Variants in MUC3A observed in about 807,000 individuals in gnomAD.
MUC3A encodes the protein mucin 3A, cell surface associated.
A neutral mutation model predicts 109.0 loss-of-function variants in MUC3A; 109 were observed. The ratio of observed to expected loss-of-function variants is 1.00; its 90% confidence interval spans 0.86 to 1.17. The LOEUF is 1.17. Among genes scored for constraint, MUC3A ranks in the 50% most tolerant of loss-of-function variants. MUC3A has a pLI of 0.00. For missense variants in MUC3A, 3,537 were observed against 2,469.4 expected (o/e 1.43, Z -9.16); for synonymous variants, 1,398 against 981.4 (o/e 1.42, Z -7.93).
intron 4 of MUC3A, 45 bp from the exon 5 acceptor site, chr7:100,963,643 G>A (rs1792418359): frequency 1.9e-6 from 3 of 1,598,280 alleles, no homozygotes; most frequent in Non-Finnish European, 2.5e-6. Flanking sequence ...GGTCCCCTCA[G>A]GTCTGCAGGT....
Position 100,953,106 on chromosome 7 carries a change from A to G in MUC3A, c.1327A>G (p.Ile443Val), listed in dbSNP as rs1378153919. 9.8e-6 allele frequency: 9 copies of G among 917,822 alleles called. No individual in the cohort carries two copies. The East Asian group carries it at 2.3e-4, about 24-fold the overall frequency. 56.9% of individuals were successfully genotyped at this position (917,822 alleles called of 1,614,324 possible). A position where few individuals can be genotyped will look rare whatever the true frequency, so the allele number is the denominator to read the frequency against. Reference sequence around the variant, plus strand: ...GACCCCATCTTCTCTGAGTACAGACATCCCTTTCACAACACCAACAACTAT... The same window carrying G: ...GACCCCATCTTCTCTGAGTACAGACGTCCCTTTCACAACACCAACAACTAT... ...TMTPSSLSTD[I>V]PFTTPTTITH... The change falls in exon 2 of 12, where the codon ATC (isoleucine) becomes GTC (valine). Residue 443 changes from isoleucine to valine, a missense_variant. Physicochemically the swap from Ile to Val is conservative, Grantham distance 29. Transcript: ENST00000379458.
In MUC3A at chr7:100,957,669, A is replaced by C; in HGVS notation, c.5890A>C (p.Thr1964Pro). ...TCCCAGCTTCACTTCTTCGATCACC[A>C]CCACCGAGACCACATCCCACAATAC... The part of the protein sequence containing the change: ...SSPSFTSSIT[T>P]TETTSHNTPS... The change falls in exon 2 of 12, where the codon ACC becomes CCC. Residue 1964 changes from threonine (T) to proline (P), a missense_variant. Transcript: ENST00000379458. 1 of 1,524,102 alleles carries C rather than the reference A, an allele frequency of 6.6e-7. No individual in the cohort carries two copies. Among genetic ancestry groups the C allele is most frequent in the Non-Finnish European group, 9.0e-7 (1 of 1,112,890 alleles). The allele number at this position is 1,524,102 out of a possible 1,614,324, so 94.4% of individuals were successfully genotyped here.
intron 3 of MUC3A, 77 bp from the exon 4 acceptor site, chr7:100,963,074 G>A (rs1792392906): frequency 1.3e-6 from 2 of 1,497,214 alleles, no homozygotes; most frequent in Non-Finnish European, 1.8e-6. Context: ...AGGAGCCTGT[G>A]GGTTGGGGTG....
Position 100,957,389 on chromosome 7 carries a change from C to A in MUC3A, c.5610C>A (p.Thr1870=). The change falls in exon 2 of 12, where the codon ACC becomes ACA. Residue 1870 remains threonine, a synonymous_variant. Transcript: ENST00000379458. ...TGACAGGTACATTGTCCACTGTGACCTCTCTTCGACCCACCTCTTCCTCTC... is the reference window on the plus strand; with the variant it reads ...TGACAGGTACATTGTCCACTGTGACATCTCTTCGACCCACCTCTTCCTCTC... ...TNMTGTLSTV[T]SLRPTSSSLL... 1 of 653,504 alleles carries A rather than the reference C, an allele frequency of 1.5e-6. No individual in the cohort carries two copies. The highest frequency in any genetic ancestry group is 2.4e-6 in the Non-Finnish European group (1 of 411,774). 40.5% of individuals were successfully genotyped at this position (653,504 alleles called of 1,614,324 possible). A position where few individuals can be genotyped will look rare whatever the true frequency, so the allele number is the denominator to read the frequency against.
At position 100,957,781 on chromosome 7, in the gene MUC3A, C is replaced by G; in HGVS notation, c.6002C>G (p.Thr2001Ser). The G allele has an allele frequency of 1.2e-6, 1 of 863,892 alleles. No individual in the cohort carries two copies. The highest frequency in any genetic ancestry group is 2.1e-5 in the South Asian group (1 of 47,998). The allele number at this position is 863,892 out of a possible 1,614,324, so 53.5% of individuals were successfully genotyped here. A position where few individuals can be genotyped will look rare whatever the true frequency, so the allele number is the denominator to read the frequency against. The change falls in exon 2 of 12, where the codon ACC (threonine) becomes AGC (serine). Residue 2001 changes from threonine to serine, a missense_variant. Coordinates refer to ENST00000379458, the MANE Select transcript of MUC3A (RefSeq NM_005960.2). ...ACTTCTTTGATCACCACAACCACCA[C>G]CACCTCACACAGTACTCCCAGCTTC... ...SYTSLITTTT[T>S]TSHSTPSFTS...
chr7:100,960,302 C>A lies in MUC3A; in HGVS notation c.8523C>A (p.Ser2841Arg). 1 of 1,598,554 alleles carries A rather than the reference C, an allele frequency of 6.3e-7. No individual in the cohort carries two copies. Among genetic ancestry groups the A allele is most frequent in the East Asian group, 2.2e-5 (1 of 44,892 alleles). ...TSSMMPESES[S>R]ISPNASSSTG... is the part of the protein sequence containing the mutation. ...CCATGATGCCAGAAAGTGAGTCCAG[C>A]ATCTCACCCAATGCTTCCAGTTCCA... Residue 2841 changes from serine to arginine, a missense_variant, in exon 2 of 12, where the codon AGC becomes AGA. Physicochemically the swap from Ser to Arg is moderately radical, Grantham distance 110 (BLOSUM62 -1). Coordinates refer to ENST00000379458, the MANE Select transcript of MUC3A (RefSeq NM_005960.2).
Position 100,959,562 on chromosome 7 carries a change from G to T in MUC3A, c.7783G>T (p.Ala2595Ser). The change falls in exon 2 of 12, where the codon GCA becomes TCA. Residue 2595 changes from alanine (A) to serine (S), a missense_variant. Coordinates refer to ENST00000379458, the MANE Select transcript of MUC3A (RefSeq NM_005960.2). ...AGCCACTGGGACCCAAACATCTCCT[G>T]CACCTACTACTGTCACCTTTGGAAG... is the stretch of plus-strand genomic sequence containing the variant. ...TSATGTQTSP[A>S]PTTVTFGSTD... 2 of 1,593,386 alleles carry T rather than the reference G, an allele frequency of 1.3e-6. No individual in the cohort carries two copies. Among genetic ancestry groups the T allele is most frequent in the Middle Eastern group, 1.7e-4 (1 of 6,032 alleles).
chr7:100,957,339 A>T lies in MUC3A; in HGVS notation c.5560A>T (p.Thr1854Ser). The change falls in exon 2 of 12, where the codon ACC (threonine) becomes TCC (serine). Residue 1854 changes from threonine (T) to serine (S), a missense_variant. Thr to Ser is a moderately conservative substitution (Grantham distance 58). Transcript: ENST00000379458. ...TACTAGTGCTCTCACAGATTCCACG[A>T]CCAGAACCACCTATTCCACCAATAT... ...SLTSALTDST[T>S]RTTYSTNMTG... 1 of 599,362 alleles carries T rather than the reference A, an allele frequency of 1.7e-6. No homozygotes were observed. Among genetic ancestry groups the T allele is most frequent in the East Asian group, 2.9e-5 (1 of 34,464 alleles). The allele number at this position is 599,362 out of a possible 1,614,324, so 37.1% of individuals were successfully genotyped here.
At chr7:100,964,151 G>A (rs1035861778) in intron 5 of MUC3A, 2 of 345,644 alleles carry the variant, frequency 5.8e-6, no homozygotes, top group South Asian at 6.5e-5. Flanking sequence ...AGAAGAGAAC[G>A]TCAGGCCAGA....
Position 100,955,522 on chromosome 7 carries a change from C to T in MUC3A, c.3743C>T (p.Thr1248Ile), listed in dbSNP as rs1244522695. 471 of 425,298 alleles carry T rather than the reference C, an allele frequency of 1.1e-3. No homozygotes were observed. Among genetic ancestry groups the T allele is most frequent in the Admixed American group, 2.1e-3 (39 of 18,350 alleles). The allele number at this position is 425,298 out of a possible 1,614,324, so 26.3% of individuals were successfully genotyped here. ...TCCCCCAGCATCCAGAATACAGAAA[C>T]CTCATCCCTTGTCAGCATGACCTCT... Reference protein sequence around the residue: ...PSSPSIQNTETSSLVSMTSAT... With the variant: ...PSSPSIQNTEISSLVSMTSAT... The change falls in exon 2 of 12, where the codon ACC becomes ATC. Residue 1248 changes from threonine to isoleucine, a missense_variant. Transcript: ENST00000379458.
chr7:100,966,873 C>T lies in MUC3A; in HGVS notation c.9878-26C>T, dbSNP rs10229209. The T allele has an allele frequency of 3.1e-6, 5 of 1,587,508 alleles. No homozygotes were observed. In the East Asian group the frequency reaches 6.8e-5, roughly 21 times the overall value. ...TTCCGTCCCCTCCCTCTCCCCTTCTCTTTCTCCGCTCCTCTCTCTCTCTAG... is the reference window on the plus strand; with the variant it reads ...TTCCGTCCCCTCCCTCTCCCCTTCTTTTTCTCCGCTCCTCTCTCTCTCTAG... On this transcript the variant is annotated intron_variant, in intron 10 of 11. Transcript: ENST00000379458.
chr7:100,963,460 T>C (rs1313904723), intron 4 of MUC3A, among the ~76,000 whole-genome samples, 194 bp downstream of exon 4: 1 of 152,312 alleles, frequency 6.6e-6, no homozygotes, highest in African/African-American at 2.4e-5. Context: ...TAATGTTTTG[T>C]ATTTTTAGTA....
At position 100,962,306 on chromosome 7, in the gene MUC3A, T is replaced by C. The variant is rs1255476739; in HGVS notation, c.9053-845T>C. 1.3e-5 allele frequency among the ~76,000 whole-genome samples: 2 copies of C among 151,672 alleles called. 1 individual carries two copies. The highest frequency in any genetic ancestry group is 2.9e-5 in the Non-Finnish European group (2 of 68,010). ...GGTGGCTCATGCCTGTGGTCCCAGT[T>C]ATTTGGAAGGCTGAGGTGGGAGAAT... On this transcript the variant is annotated intron_variant, in intron 3 of 11. Transcript: ENST00000379458.
rs753586239 is a variant in MUC3A, at chr7:100,952,178, C to A, written c.399C>A (p.Ser133Arg). The stretch of plus-strand genomic sequence containing the variant: ...CCACTGAGTGCGTGTATCCAACGAG[C>A]TTTATAATCACCATCTCCCACCCCA... ...SATTECVYPT[S>R]FIITISHPTS... Residue 133 changes from serine to arginine, a missense_variant, in exon 2 of 12, where the codon AGC (serine) becomes AGA (arginine). By Grantham distance (110) the Ser-to-Arg change is moderately radical. Coordinates refer to ENST00000379458, the MANE Select transcript of MUC3A (RefSeq NM_005960.2). 6 of 1,598,516 alleles carry A rather than the reference C, an allele frequency of 3.8e-6. No homozygotes were observed. The African/African-American group carries it at 5.3e-5, about 14-fold the overall frequency.
intron 3 of MUC3A, among the ~76,000 whole-genome samples, chr7:100,962,686 TTTTC>T (rs533145286): frequency 1.0e-4 from 15 of 148,894 alleles, no homozygotes; most frequent in East Asian, 7.8e-4. Context: ...TTCTTTCTCT[TTTTC>T]TTTCTTTCTT....
rs1374159359 is a variant in MUC3A, at chr7:100,953,121, CCAA to C, written c.1347_1349del (p.Thr450del). ...GAGTACAGACATCCCTTTCACAACACCAACAACTATCACCCACCATTCTGTGGG... is the reference window on the plus strand; with the variant it reads ...GAGTACAGACATCCCTTTCACAACACCAACTATCACCCACCATTCTGTGGG... On this transcript the variant is annotated inframe_deletion, in exon 2 of 12. Transcript: ENST00000379458. The C allele has an allele frequency of 2.2e-5, 17 of 786,464 alleles. No homozygotes were observed. Among genetic ancestry groups the C allele is most frequent in the Non-Finnish European group, 2.9e-5 (14 of 490,782 alleles). 48.7% of individuals were successfully genotyped at this position (786,464 alleles called of 1,614,324 possible). A position where few individuals can be genotyped will look rare whatever the true frequency, so the allele number is the denominator to read the frequency against.
In MUC3A at chr7:100,949,637, G is replaced by A. The variant is rs1008415115; in HGVS notation, c.13G>A (p.Gly5Arg). 6.4e-7 allele frequency: 1 copy of A among 1,555,664 alleles called. No individual in the cohort carries two copies. ...GCCCGCTGGGCCCATGCAGCTGTTGGGGCTCCTCGGCCTCCTCTGGATGCT... is the reference window on the plus strand; with the variant it reads ...GCCCGCTGGGCCCATGCAGCTGTTGAGGCTCCTCGGCCTCCTCTGGATGCT... MQLL[G>R]LLGLLWMLKA... The change falls in exon 1 of 12, where the codon GGG becomes AGG. Residue 5 changes from glycine to arginine, a missense_variant. Transcript: ENST00000379458.
chr7:100,963,899 TC>T (rs1476227290), intron 5 of MUC3A, 147 bp downstream of exon 5: 36,291 of 1,209,520 alleles, frequency 0.03, 2 homozygotes, highest in South Asian at 0.038. Flanking sequence ...GGGTATTTTT[TC>T]GGATCGTTTT....
At position 100,951,873 on chromosome 7, in the gene MUC3A, G is replaced by C. The variant is rs765648722; in HGVS notation, c.94G>C (p.Val32Leu). ...ATCCACGGCCACATCCATCTCTCAA[G>C]TGCCTTTCCCCAGAGCAGAAGCAGC... ...TLSTATSISQ[V>L]PFPRAEAASA... Residue 32 changes from valine to leucine, a missense_variant, in exon 2 of 12, where the codon GTG (valine) becomes CTG (leucine). Coordinates refer to ENST00000379458, the MANE Select transcript of MUC3A (RefSeq NM_005960.2). The C allele has an allele frequency of 2.1e-5, 33 of 1,598,160 alleles. No individual in the cohort carries two copies. In the South Asian group the frequency reaches 3.6e-4, roughly 18 times the overall value.
Sources: allele counts gnomAD v4.1 joint callset (sites outside exome capture counted in the v4.1 genomes callset), GRCh38; gene constraint gnomAD v4.1.1; transcripts MANE v1.5; gene names NCBI Gene and HGNC (gene_info 2026-07-23, HGNC 2026-07-21).